EPM2A: variants seen among roughly 807,000 people sequenced by gnomAD.
EPM2A encodes the protein EPM2A glucan phosphatase, laforin.
In EPM2A, 21 loss-of-function variants were observed where a neutral mutation model predicts 26.5. The ratio of observed to expected loss-of-function variants is 0.79; its 90% CI spans 0.56 to 1.14. The LOEUF is 1.14. Ranked by LOEUF, EPM2A falls within the 50% of genes most tolerant of loss-of-function variation. The pLI is 0.00. For missense variants in EPM2A, 458 were observed against 440.8 expected (o/e 1.04, Z -0.35); for synonymous variants, 217 against 177.6 (o/e 1.22, Z -1.76).
At position 145,717,245 on chromosome 6, in the gene EPM2A, A is replaced by G. The variant is rs1268080068; in HGVS notation, c.301+17953T>C. ...AAAATACTGGCAAACCGAATTCAGC[A>G]GCACATCAAAAAGCTTATCCACCAT... On this transcript the variant is annotated intron_variant, in intron 1 of 3. Coordinates refer to ENST00000367519, the MANE Select transcript of EPM2A (RefSeq NM_005670.4). Among the ~76,000 whole-genome samples, 8 of 152,232 alleles carry G rather than the reference A, an allele frequency of 5.3e-5. No homozygotes were observed. In the South Asian group the frequency reaches 8.3e-4, roughly 16 times the overall value.
chr6:145,612,776 C>A (rs1460581451), intron 2 of EPM2A, among the ~76,000 whole-genome samples: 2 of 145,344 alleles, frequency 1.4e-5, no homozygotes, highest in African/African-American at 2.5e-5. Context: ...TATATATATA[C>A]CTTAAGTAAA....
intron 1 of EPM2A, among the ~76,000 whole-genome samples, chr6:145,728,255 C>G (rs1273915706): frequency 6.6e-6 from 1 of 152,064 alleles, no homozygotes; most frequent in Non-Finnish European, 1.5e-5. Flanking sequence ...TATAAAGATA[C>G]CTGAAAATGT....
intron 2 of EPM2A, among the ~76,000 whole-genome samples, chr6:145,609,746 A>C (rs9689874): frequency 6.6e-6 from 1 of 152,104 alleles, no homozygotes; most frequent in Non-Finnish European, 1.5e-5. Flanking sequence ...TGAACATTCA[A>C]TTTTCTCTTT....
chr6:145,655,195 A>C (rs535000181), intron 2 of EPM2A, among the ~76,000 whole-genome samples: 1 of 152,264 alleles, frequency 6.6e-6, no homozygotes, highest in South Asian at 2.1e-4. Context: ...TGAAAAAAAA[A>C]AAAAAACAGG....
intron 1 of EPM2A, among the ~76,000 whole-genome samples, chr6:145,710,772 C>T (rs1775269317): frequency 6.6e-6 from 1 of 151,968 alleles, no homozygotes; most frequent in Admixed American, 6.6e-5. Flanking sequence ...ACATATACAC[C>T]ATGGAATACT....
chr6:145,666,949 C>A (rs1359053475), intron 2 of EPM2A, among the ~76,000 whole-genome samples: 2 of 133,026 alleles, frequency 1.5e-5, no homozygotes, highest in Admixed American at 7.5e-5. Flanking sequence ...GCTGGGAAAA[C>A]TGGCTAGCCA....
At chr6:145,416,838 G>A (rs980002378) in intron 4 of EPM2A, among the ~76,000 whole-genome samples, 1 of 151,700 alleles carries the variant, frequency 6.6e-6, no homozygotes, top group African/African-American at 2.4e-5. Flanking sequence ...ATGTTTAGGG[G>A]GTCGTAGGAA....
At chr6:145,576,139 AC>A (rs1346499655) in intron 2 of EPM2A, among the ~76,000 whole-genome samples, 1 of 152,126 alleles carries the variant, frequency 6.6e-6, no homozygotes, top group Non-Finnish European at 1.5e-5. Flanking sequence ...ACCAGCCTCC[AC>A]CACCTTCTTA....
At chr6:145,646,964 T>G (rs1046072261) in intron 2 of EPM2A, among the ~76,000 whole-genome samples, 8 of 152,114 alleles carry the variant, frequency 5.3e-5, no homozygotes, top group African/African-American at 1.9e-4. Flanking sequence ...CCAGAGTCAT[T>G]AGCCCACCAT....
chr6:145,516,624 A>G (rs974596535), intron 2 of EPM2A, among the ~76,000 whole-genome samples: 2 of 152,158 alleles, frequency 1.3e-5, no homozygotes, highest in African/African-American at 4.8e-5. Context: ...CTGAACATAG[A>G]AAAATATGAA....
intron 3 of EPM2A, 122 bp downstream of exon 3, chr6:145,635,123 A>G (rs1021207407): frequency 2.9e-5 from 34 of 1,158,494 alleles, no homozygotes; most frequent in Non-Finnish European, 3.9e-5. Context: ...TATTAAATCT[A>G]AAATCTTATA....
chr6:145,433,567 T>C (rs1352580026), intron 4 of EPM2A, among the ~76,000 whole-genome samples: 2 of 152,178 alleles, frequency 1.3e-5, no homozygotes, highest in African/African-American at 4.8e-5. Context: ...TCTAGCTATA[T>C]TTAAATGGAC....
At chr6:145,627,969 T>C in intron 3 of EPM2A, 1 of 483,746 alleles carries the variant, frequency 2.1e-6, no homozygotes, top group Non-Finnish European at 3.7e-6. Flanking sequence ...CATGCAAATA[T>C]CCCTCCAAAG....
intron 1 of EPM2A, among the ~76,000 whole-genome samples, chr6:145,717,016 C>T (rs6928780): frequency 0.067 from 10,158 of 152,142 alleles, 1,141 homozygotes; most frequent in African/African-American, 0.23. Context: ...CCTGAATTCC[C>T]ACCCAGAAGA....
At chr6:145,674,604 G>A (rs925407585) in intron 2 of EPM2A, among the ~76,000 whole-genome samples, 6 of 152,020 alleles carry the variant, frequency 3.9e-5, no homozygotes, top group African/African-American at 9.7e-5. Context: ...ATGACCTGAC[G>A]GAGCTGAAAA....
At chr6:145,605,610 T>C (rs1562400133) in intron 2 of EPM2A, among the ~76,000 whole-genome samples, 1 of 152,140 alleles carries the variant, frequency 6.6e-6, no homozygotes, top group Non-Finnish European at 1.5e-5. Context: ...AACCTCACTG[T>C]AATTTAGGAA....
upstream of EPM2A, chr6:145,735,657 C>G: frequency 1.8e-6 from 2 of 1,084,266 alleles, no homozygotes; most frequent in Non-Finnish European, 2.2e-6. Flanking sequence ...ATGCATCACG[C>G]GGCTCCCGAG....
At chr6:145,510,396 C>G (rs996066124) in intron 2 of EPM2A, among the ~76,000 whole-genome samples, 1 of 152,112 alleles carries the variant, frequency 6.6e-6, no homozygotes, top group Admixed American at 6.6e-5. Flanking sequence ...GCCATACTCT[C>G]CAACCACAAT....
At chr6:145,668,154 T>TA in intron 2 of EPM2A, among the ~76,000 whole-genome samples, 1 of 125,026 alleles carries the variant, frequency 8.0e-6, no homozygotes. Context: ...CCCTAAAACT[T>TA]AAAGTATAAT....
Sources: allele counts gnomAD v4.1 joint callset (sites outside exome capture counted in the v4.1 genomes callset), GRCh38; gene constraint gnomAD v4.1.1; transcripts MANE v1.5; gene names NCBI Gene and HGNC (gene_info 2026-07-23, HGNC 2026-07-21).